The following ADAM11 variants were observed in gnomAD, a reference collection of about 807,000 sequenced individuals.
ADAM11 encodes ADAM metallopeptidase domain 11.
In ADAM11, 49 loss-of-function variants were observed where a neutral mutation model predicts 119.1. That is an observed-to-expected ratio of 0.41 (90% confidence interval 0.33 to 0.52). The LOEUF is 0.52. Ranked by LOEUF, ADAM11 falls within the 20% of genes least tolerant of loss-of-function variation. The probability of loss-of-function intolerance (pLI) is 0.20; values close to 1 mark genes in which losing one functional copy is unlikely to be tolerated. For missense variants in ADAM11, 777 were observed against 1,047.5 expected (o/e 0.74, Z 3.56); for synonymous variants, 364 against 408.0 (o/e 0.89, Z 1.30).
chr17:44,777,106 C>T lies in ADAM11; in HGVS notation c.1682-60C>T. 4 of 1,550,146 alleles carry T rather than the reference C, an allele frequency of 2.6e-6. No homozygotes were observed. Among genetic ancestry groups the T allele is most frequent in the Non-Finnish European group, 3.5e-6 (4 of 1,142,698 alleles). On this transcript the variant is annotated intron_variant, in intron 20 of 26. Coordinates refer to ENST00000200557, the MANE Select transcript of ADAM11 (RefSeq NM_002390.6). This position sits in a 1 kb window ranked among gnomAD's most constrained non-coding sequence, Gnocchi z 5.1. The stretch of plus-strand genomic sequence containing the variant: ...CCAGGCAGAGTGTGGGAGATGCAGG[C>T]CTGAGGTCTTGGGGTGGGTCCTGGG...
At position 44,776,978 on chromosome 17, in the gene ADAM11, G is replaced by T; in HGVS notation, c.1681+16G>T. On this transcript the variant is annotated intron_variant, in intron 20 of 26. Coordinates refer to ENST00000200557, the MANE Select transcript of ADAM11 (RefSeq NM_002390.6). The surrounding 1 kb of genome is among the most constrained non-coding windows in gnomAD (Gnocchi z 5.2). The stretch of plus-strand genomic sequence containing the variant: ...TGGGGCCATGGTGAGTCTGGCTAGG[G>T]CTGGGAGTGGGGACTCCGGAGGACC... 6.2e-7 allele frequency: 1 copy of T among 1,608,534 alleles called. No homozygotes were observed. Among genetic ancestry groups the T allele is most frequent in the Non-Finnish European group, 8.5e-7 (1 of 1,175,578 alleles).
Position 44,773,510 on chromosome 17 carries a change from G to C in ADAM11, c.992+83G>C. ...ATTACTTAACACCTGCCCTGTGCTG[G>C]CTGCTCCTCTCAGAGTCTGGGGACT... On this transcript the variant is annotated intron_variant, in intron 11 of 26. Transcript: ENST00000200557. This position sits in a 1 kb window ranked among gnomAD's most constrained non-coding sequence, Gnocchi z 4.6. The C allele has an allele frequency of 6.7e-7, 1 of 1,503,424 alleles. No homozygotes were observed. 93.1% of individuals were successfully genotyped at this position (1,503,424 alleles called of 1,614,324 possible). A position where few individuals can be genotyped will look rare whatever the true frequency, so the allele number is the denominator to read the frequency against.
In ADAM11 at chr17:44,770,488, T is replaced by TCACC. The variant is rs1158996609; in HGVS notation, c.381+441_381+442insACCC. 2.6e-3 allele frequency among the ~76,000 whole-genome samples: 157 copies of TCACC among 60,208 alleles called. 15 individuals carry two copies. Among genetic ancestry groups the TCACC allele is most frequent in the African/African-American group, 7.8e-3 (147 of 18,750 alleles). The allele number at this position is 60,208 out of a possible 152,430, so 39.5% of individuals were successfully genotyped here. A position where few individuals can be genotyped will look rare whatever the true frequency, so the allele number is the denominator to read the frequency against. The stretch of plus-strand genomic sequence containing the variant: ...AATGAGTGTCTATAAATAGCCTGTC[T>TCACC]CCCCCCCCCCCGCCCCCACTGCCTG... On this transcript the variant is annotated intron_variant, in intron 4 of 26. Coordinates refer to ENST00000200557, the MANE Select transcript of ADAM11 (RefSeq NM_002390.6).
At chr17:44,779,088 A>T in intron 25 of ADAM11, 134 bp from the exon 26 acceptor site, 2 of 1,137,692 alleles carry the variant, frequency 1.8e-6, no homozygotes, top group South Asian at 1.5e-5. Context: ...CCCTTACATT[A>T]GTGTCCAGGC....
chr17:44,776,111 C>G lies in ADAM11; in HGVS notation c.1486-16C>G, dbSNP rs2049597848. 1 of 1,613,206 alleles carries G rather than the reference C, an allele frequency of 6.2e-7. No homozygotes were observed. Among genetic ancestry groups the G allele is most frequent in the Non-Finnish European group, 8.5e-7 (1 of 1,179,716 alleles). On this transcript the variant is annotated splice_polypyrimidine_tract_variant and intron_variant, in intron 17 of 26. Coordinates refer to ENST00000200557, the MANE Select transcript of ADAM11 (RefSeq NM_002390.6). This position sits in a 1 kb window ranked among gnomAD's most constrained non-coding sequence, Gnocchi z 5.2. ...CATCCATCCTGCCTGACTCGAGGAG[C>G]GCGTCTCTTCCCTAGTACGAACCAC... is the stretch of plus-strand genomic sequence containing the variant.
At chr17:44,760,046 C>G in intron 2 of ADAM11, 149 bp downstream of exon 2, 1 of 832,790 alleles carries the variant, frequency 1.2e-6, no homozygotes, top group African/African-American at 1.8e-5. Context: ...GTGCTGGAGC[C>G]CACTGGTGGG....
At position 44,772,552 on chromosome 17, in the gene ADAM11, C is replaced by T; in HGVS notation, c.678+86C>T. 1 of 1,469,822 alleles carries T rather than the reference C, an allele frequency of 6.8e-7. No individual in the cohort carries two copies. Among genetic ancestry groups the T allele is most frequent in the South Asian group, 1.3e-5 (1 of 79,718 alleles). The allele number at this position is 1,469,822 out of a possible 1,614,324, so 91.0% of individuals were successfully genotyped here. On this transcript the variant is annotated intron_variant, in intron 8 of 26. Coordinates refer to ENST00000200557, the MANE Select transcript of ADAM11 (RefSeq NM_002390.6). This position sits in a 1 kb window ranked among gnomAD's most constrained non-coding sequence, Gnocchi z 4.5. ...CCGTGGCCCAGAGCAGGAGGGCACC[C>T]TCATCTATGGCTGGGGCGAAGGAAG...
chr17:44,762,038 G>A (rs2049395491), intron 2 of ADAM11, among the ~76,000 whole-genome samples: 1 of 152,102 alleles, frequency 6.6e-6, no homozygotes, highest in Admixed American at 6.6e-5. Context: ...TGCTCAGGCT[G>A]GTCTCGAACT....
chr17:44,778,071 G>A lies in ADAM11; in HGVS notation c.2185+5G>A. ...GGGAGACGGAGAGATATAAAGGTGA[G>A]GCTGGAGCTGGCCGAGGGGGGTCTG... On this transcript the variant is annotated splice_donor_5th_base_variant and intron_variant, in intron 24 of 26. Coordinates refer to ENST00000200557, the MANE Select transcript of ADAM11 (RefSeq NM_002390.6). 2.5e-6 allele frequency: 4 copies of A among 1,611,544 alleles called. No individual in the cohort carries two copies. The highest frequency in any genetic ancestry group is 3.4e-6 in the Non-Finnish European group (4 of 1,178,284).
chr17:44,780,106 G>A lies in ADAM11; in HGVS notation c.*352G>A, dbSNP rs1213023346. ...GGCAGCCACCAGTGGACCTAGCCTG[G>A]ATGGCCCCTCCTTGCAACCAGGCAG... On this transcript the variant is annotated 3_prime_UTR_variant, in exon 27 of 27. Coordinates refer to ENST00000200557, the MANE Select transcript of ADAM11 (RefSeq NM_002390.6). 7.9e-6 allele frequency: 5 copies of A among 632,170 alleles called. No homozygotes were observed. The Middle Eastern group carries it at 7.4e-4, about 94-fold the overall frequency. 39.2% of individuals were successfully genotyped at this position (632,170 alleles called of 1,614,324 possible).
chr17:44,761,573 G>A (rs570176144), intron 2 of ADAM11, among the ~76,000 whole-genome samples: 3 of 152,198 alleles, frequency 2.0e-5, no homozygotes, highest in East Asian at 3.9e-4. Flanking sequence ...GAGAGCCTGC[G>A]GGGAGGGAAT....
chr17:44,760,035 G>C lies in ADAM11; in HGVS notation c.237+138G>C, dbSNP rs938776604. 5 of 914,128 alleles carry C rather than the reference G, an allele frequency of 5.5e-6. No homozygotes were observed. The African/African-American group carries it at 8.6e-5, about 16-fold the overall frequency. The allele number at this position is 914,128 out of a possible 1,614,324, so 56.6% of individuals were successfully genotyped here. ...CTTCTGTACAGTGGGCTATCCGGTG[G>C]GTGCTGGAGCCCACTGGTGGGGAGC... is the stretch of plus-strand genomic sequence containing the variant. On this transcript the variant is annotated intron_variant, in intron 2 of 26. Transcript: ENST00000200557.
rs143423803 is a variant in ADAM11 at position 44,761,461 on chromosome 17, G to T, written c.237+1564G>T. Among the ~76,000 whole-genome samples, 1,123 of 152,240 alleles carry T rather than the reference G, an allele frequency of 7.4e-3. 9 individuals are homozygous for T. The highest frequency in any genetic ancestry group is 0.024 in the Middle Eastern group (7 of 294). On this transcript the variant is annotated intron_variant, in intron 2 of 26. Coordinates refer to ENST00000200557, the MANE Select transcript of ADAM11 (RefSeq NM_002390.6). ...TGGGAAGGTCAGGATGGGTGCAGTTGAACTGCTTGGGTTGGGGGTCTCTGT... is the reference window on the plus strand; with the variant it reads ...TGGGAAGGTCAGGATGGGTGCAGTTTAACTGCTTGGGTTGGGGGTCTCTGT...
intron 26 of ADAM11, 21 bp from the exon 27 acceptor site, chr17:44,779,718 G>A (rs1162294932): frequency 6.3e-7 from 1 of 1,591,256 alleles, no homozygotes; most frequent in East Asian, 2.2e-5. Flanking sequence ...GTCCTCCCCT[G>A]ATGCCCCCTC....
At chr17:44,766,121 T>A (rs1338856301) in intron 2 of ADAM11, among the ~76,000 whole-genome samples, 1 of 152,194 alleles carries the variant, frequency 6.6e-6, no homozygotes, top group Non-Finnish European at 1.5e-5. Flanking sequence ...TACTGTGTGC[T>A]TAAAGGCCCA....
intron 25 of ADAM11, among the ~76,000 whole-genome samples, chr17:44,778,989 T>C (rs2270030): frequency 0.6 from 91,684 of 151,922 alleles, 28,203 homozygotes; most frequent in East Asian, 0.77. Flanking sequence ...GAGGAACCCA[T>C]GGCCCAAGGT....
At chr17:44,763,630 G>T (rs550499989) in intron 2 of ADAM11, among the ~76,000 whole-genome samples, 2 of 152,320 alleles carry the variant, frequency 1.3e-5, no homozygotes, top group East Asian at 3.9e-4. Flanking sequence ...CTCCACTAGG[G>T]TGACTGGGCA....
At position 44,770,121 on chromosome 17, in the gene ADAM11, G is replaced by A. The variant is rs115353374; in HGVS notation, c.381+73G>A. On this transcript the variant is annotated intron_variant, in intron 4 of 26. Coordinates refer to ENST00000200557, the MANE Select transcript of ADAM11 (RefSeq NM_002390.6). ...TGTTTCTGTGGTTCTGTGGTCACAG[G>A]TGTAGGGACAGGTGGCCACTGGAGA... 1,633 of 1,554,144 alleles carry A rather than the reference G, an allele frequency of 1.1e-3. 11 individuals are homozygous for A. In the African/African-American group the frequency reaches 0.02, roughly 19 times the overall value.
chr17:44,774,256 G>A (rs866886010), intron 11 of ADAM11, 39 bp from the exon 12 acceptor site: 1 of 1,366,950 alleles, frequency 7.3e-7, no homozygotes, highest in South Asian at 1.5e-5. Flanking sequence ...AGCCACAGGG[G>A]AGGGCAGGAG....
Sources: allele counts gnomAD v4.1 joint callset (sites outside exome capture counted in the v4.1 genomes callset), GRCh38; gene constraint gnomAD v4.1.1; non-coding constraint Gnocchi (gnomAD v3.1); transcripts MANE v1.5; gene names NCBI Gene and HGNC (gene_info 2026-07-23, HGNC 2026-07-21).